Variants in NFKBIL1 observed in about 807,000 individuals in gnomAD.
NFKBIL1 encodes the protein NFKB inhibitor like 1.
NFKBIL1 carries 30 observed loss-of-function variants against 45.4 expected under a neutral mutation model. That is an observed-to-expected ratio of 0.66 (90% confidence interval 0.49 to 0.90). The LOEUF is 0.90. NFKBIL1 is among the 40% of genes least tolerant of loss of function. NFKBIL1 has a pLI of 0.00. For synonymous variants in NFKBIL1, 179 were observed against 197.3 expected (o/e 0.91, Z 0.78); for missense variants, 434 against 513.4 (o/e 0.85, Z 1.49).
At chr6:31,556,709 T>C (rs1258162283) in intron 2 of NFKBIL1, 1 of 457,106 alleles carries the variant, frequency 2.2e-6, no homozygotes, top group Non-Finnish European at 4.4e-6. Flanking sequence ...CAGCAGTCAT[T>C]TGGAAAGAGC....
In NFKBIL1 at chr6:31,557,158, A is replaced by G. The variant is rs1769786942; in HGVS notation, c.335-470A>G. 6.8e-6 allele frequency among the ~76,000 whole-genome samples: 1 copy of G among 147,656 alleles called. No homozygotes were observed. The highest frequency in any genetic ancestry group is 2.1e-4 in the South Asian group (1 of 4,726). ...AGTCTTGCTCTGTCACCTAGGCTGG[A>G]GTGCAGTGGCACGATCTCGGCTTAC... On this transcript the variant is annotated intron_variant, in intron 2 of 3. Coordinates refer to ENST00000376148, the MANE Select transcript of NFKBIL1 (RefSeq NM_005007.4). The surrounding 1 kb of genome is among the most constrained non-coding windows in gnomAD (Gnocchi z 5.4).
At chr6:31,547,972 C>A (rs1005973967) in intron 1 of NFKBIL1, among the ~76,000 whole-genome samples, 191 bp from the exon 2 acceptor site, 5 of 151,920 alleles carry the variant, frequency 3.3e-5, no homozygotes, top group Non-Finnish European at 7.4e-5. Context: ...ATCCTATCAC[C>A]CCCCTCAAAA....
At position 31,548,187 on chromosome 6, in the gene NFKBIL1, T is replaced by C; in HGVS notation, c.82T>C (p.Ser28Pro). Reference sequence around the variant, plus strand: ...GCCCAAGAGTTCCATGGCCTCCACTTCCCGCCGCCAACGCCGAGAACGTCG... The same window carrying C: ...GCCCAAGAGTTCCATGGCCTCCACTCCCCGCCGCCAACGCCGAGAACGTCG... Reference protein sequence around the residue: ...CRPKSSMASTSRRQRRERRFR... With the variant: ...CRPKSSMASTPRRQRRERRFR... Residue 28 changes from serine to proline, a missense_variant, in exon 2 of 4, where the codon TCC (serine) becomes CCC (proline). Physicochemically the swap from Ser to Pro is moderately conservative, Grantham distance 74. Coordinates refer to ENST00000376148, the MANE Select transcript of NFKBIL1 (RefSeq NM_005007.4). 1 of 1,613,092 alleles carries C rather than the reference T, an allele frequency of 6.2e-7. No individual in the cohort carries two copies. The highest frequency in any genetic ancestry group is 8.5e-7 in the Non-Finnish European group (1 of 1,180,018).
chr6:31,549,642 G>A (rs1769318420), intron 2 of NFKBIL1, among the ~76,000 whole-genome samples: 1 of 151,558 alleles, frequency 6.6e-6, no homozygotes, highest in African/African-American at 2.4e-5. Context: ...TTTTCATCAG[G>A]CTGCCACCAA....
chr6:31,552,312 G>A (rs1027263827), intron 2 of NFKBIL1, among the ~76,000 whole-genome samples: 5 of 150,570 alleles, frequency 3.3e-5, no homozygotes, highest in African/African-American at 7.3e-5. Flanking sequence ...TCATTCTGTC[G>A]CCCAGGCTGG....
rs1291716625 is a variant in NFKBIL1 at position 31,558,455 on chromosome 6, G to T, written c.990G>T (p.Leu330=). 5 of 1,551,262 alleles carry T rather than the reference G, an allele frequency of 3.2e-6. No homozygotes were observed. The South Asian group carries it at 4.8e-5, about 15-fold the overall frequency. Reference sequence around the variant, plus strand: ...CCCCTTTGGAGGAACAGGGGGCTCTGAGGAGGTACTTGAGGGTCCAGCAGG... The same window carrying T: ...CCCCTTTGGAGGAACAGGGGGCTCTTAGGAGGTACTTGAGGGTCCAGCAGG... ...RGPPLEEQGA[L]RRYLRVQQVR... The change falls in exon 4 of 4, where the codon CTG becomes CTT. Residue 330 remains leucine, a synonymous_variant. Coordinates refer to ENST00000376148, the MANE Select transcript of NFKBIL1 (RefSeq NM_005007.4). The surrounding 1 kb of genome is among the most constrained non-coding windows in gnomAD (Gnocchi z 7.2).
chr6:31,547,315 G>T (rs1248933830), upstream of NFKBIL1, among the ~76,000 whole-genome samples: 1 of 150,280 alleles, frequency 6.7e-6, no homozygotes, highest in Non-Finnish European at 1.5e-5. Flanking sequence ...TCATCTTTTC[G>T]TCCATCACTG....
intron 2 of NFKBIL1, among the ~76,000 whole-genome samples, chr6:31,549,715 A>G (rs1769322110): frequency 6.6e-6 from 1 of 151,878 alleles, no homozygotes; most frequent in Non-Finnish European, 1.5e-5. Flanking sequence ...TTTTCATCCT[A>G]CTGATGTCAA....
intron 2 of NFKBIL1, among the ~76,000 whole-genome samples, chr6:31,552,435 A>T (rs183261519): frequency 6.6e-6 from 1 of 151,416 alleles, no homozygotes; most frequent in African/African-American, 2.4e-5. Context: ...CTGTAGGCGT[A>T]TGCCACCACG....
chr6:31,550,726 G>C (rs746916478), intron 2 of NFKBIL1, among the ~76,000 whole-genome samples: 69 of 152,122 alleles, frequency 4.5e-4, no homozygotes, highest in Non-Finnish European at 8.5e-4. Flanking sequence ...TTTCCCTGTT[G>C]TTGCCCAGGC....
At chr6:31,550,235 T>C (rs1192201812) in intron 2 of NFKBIL1, among the ~76,000 whole-genome samples, 2 of 151,812 alleles carry the variant, frequency 1.3e-5, no homozygotes, top group East Asian at 3.9e-4. Context: ...AGCAGCTCTT[T>C]ATAGGTAGAG....
intron 1 of NFKBIL1, 97 bp from the exon 2 acceptor site, chr6:31,548,066 C>T (rs979531469): frequency 4.0e-6 from 6 of 1,491,414 alleles, no homozygotes; most frequent in Non-Finnish European, 2.8e-6. Flanking sequence ...TAAAAAAAGA[C>T]GGAACCAAAG....
intron 2 of NFKBIL1, among the ~76,000 whole-genome samples, chr6:31,555,788 A>G (rs928566435): frequency 1.4e-5 from 2 of 147,890 alleles, no homozygotes; most frequent in African/African-American, 2.5e-5. Context: ...CTAATTTTAT[A>G]TATAATATAA....
rs764776393 is a variant in NFKBIL1 at position 31,548,376 on chromosome 6, C to T, written c.271C>T (p.Pro91Ser). The part of the protein sequence containing the change: ...LCLLLRLGAD[P>S]AHQDRHGDTA... ...CCTGCTGCTTCGGCTCGGGGCTGAC[C>T]CTGCCCACCAGGACCGCCATGGGGA... is the stretch of plus-strand genomic sequence containing the variant. The change falls in exon 2 of 4, where the codon CCT (proline) becomes TCT (serine). Residue 91 changes from proline to serine, a missense_variant. Coordinates refer to ENST00000376148, the MANE Select transcript of NFKBIL1 (RefSeq NM_005007.4). 6.4e-7 allele frequency: 1 copy of T among 1,569,678 alleles called. No homozygotes were observed. The highest frequency in any genetic ancestry group is 1.2e-5 in the South Asian group (1 of 86,488).
Position 31,558,756 on chromosome 6 carries a change from G to A in NFKBIL1, c.*145G>A. 1 of 687,918 alleles carries A rather than the reference G, an allele frequency of 1.5e-6. No homozygotes were observed. Among genetic ancestry groups the A allele is most frequent in the South Asian group, 2.1e-5 (1 of 48,122 alleles). 42.6% of individuals were successfully genotyped at this position (687,918 alleles called of 1,614,324 possible). On this transcript the variant is annotated 3_prime_UTR_variant, in exon 4 of 4. Coordinates refer to ENST00000376148, the MANE Select transcript of NFKBIL1 (RefSeq NM_005007.4). This position sits in a 1 kb window ranked among gnomAD's most constrained non-coding sequence, Gnocchi z 7.2. ...TGGGAGCGAAAGTTGTAACAAGTGG[G>A]GGTGGGGGGTGCGGGCCGCCACCAC...
chr6:31,550,408 G>T (rs1360981621), intron 2 of NFKBIL1, among the ~76,000 whole-genome samples: 1 of 126,290 alleles, frequency 7.9e-6, no homozygotes, highest in African/African-American at 3.1e-5. Context: ...CCCCCAAATG[G>T]TCAAAAAACC....
At chr6:31,556,738 T>C in intron 2 of NFKBIL1, 1 of 457,268 alleles carries the variant, frequency 2.2e-6, no homozygotes, top group South Asian at 1.5e-5. Flanking sequence ...CCGCCGGCCA[T>C]AGTTGTTGCC....
Position 31,548,154 on chromosome 6 carries a change from C to G in NFKBIL1, c.58-9C>G, listed in dbSNP as rs762914054. On this transcript the variant is annotated splice_polypyrimidine_tract_variant and intron_variant, in intron 1 of 3. Coordinates refer to ENST00000376148, the MANE Select transcript of NFKBIL1 (RefSeq NM_005007.4). ...GAAGTCCTGACTGCTGCCTTTTTTCCTTCCCCAGCCCAAGAGTTCCATGGC... is the reference window on the plus strand; with the variant it reads ...GAAGTCCTGACTGCTGCCTTTTTTCGTTCCCCAGCCCAAGAGTTCCATGGC... The G allele has an allele frequency of 2.5e-6, 4 of 1,612,748 alleles. No individual in the cohort carries two copies. The highest frequency in any genetic ancestry group is 2.5e-6 in the Non-Finnish European group (3 of 1,179,946).
intron 2 of NFKBIL1, among the ~76,000 whole-genome samples, chr6:31,555,394 C>G (rs112607613): frequency 3.3e-5 from 5 of 151,250 alleles, no homozygotes; most frequent in Non-Finnish European, 5.9e-5. Flanking sequence ...CATGCTACCA[C>G]GCCTGGCTAA....
Sources: gnomAD v4.1 joint callset for allele counts (sites outside exome capture counted in the v4.1 genomes callset) on GRCh38, gnomAD v4.1.1 for gene constraint, Gnocchi (gnomAD v3.1) non-coding constraint, MANE v1.5 for transcripts, NCBI Gene and HGNC (gene_info 2026-07-23, HGNC 2026-07-21) for gene names.